Variants in CREB5 observed in about 807,000 individuals in gnomAD.
CREB5 encodes the protein cyclic AMP-responsive element-binding protein 5.
CREB5 carries 19 observed loss-of-function variants against 57.1 expected under a neutral mutation model. That is an observed-to-expected ratio of 0.33 (90% CI 0.23 to 0.49). CREB5 has a LOEUF of 0.49. Ranked by LOEUF, CREB5 falls within the 20% of genes least tolerant of loss-of-function variation. The pLI, the probability that CREB5 is intolerant of heterozygous loss-of-function variation, is 0.99. For missense variants in CREB5, 579 were observed against 671.6 expected (o/e 0.86, Z 1.52); for synonymous variants, 238 against 238.3 (o/e 1.00, Z 0.01).
chr7:28,473,536 G>A (rs954527964), intron 1 of CREB5, among the ~76,000 whole-genome samples: 5 of 152,182 alleles, frequency 3.3e-5, no homozygotes, highest in Non-Finnish European at 5.9e-5. Context: ...CTCATTCAGT[G>A]TTTTCTGCCC....
chr7:28,794,534 A>G (rs1807912598), intron 7 of CREB5, among the ~76,000 whole-genome samples: 1 of 152,222 alleles, frequency 6.6e-6, no homozygotes, highest in Non-Finnish European at 1.5e-5. Flanking sequence ...TTAGTACCTG[A>G]GGTCATGACA....
Position 28,560,911 on chromosome 7 carries a change from T to C in CREB5, c.292-9454T>C, listed in dbSNP as rs371381912. Among the ~76,000 whole-genome samples, 274 of 36,024 alleles carry C rather than the reference T, an allele frequency of 7.6e-3. 27 individuals carry two copies. Among genetic ancestry groups the C allele is most frequent in the African/African-American group, 0.013 (87 of 6,498 alleles). The allele number at this position is 36,024 out of a possible 152,430, so 23.6% of individuals were successfully genotyped here. On this transcript the variant is annotated intron_variant, in intron 4 of 10. Transcript: ENST00000357727. The stretch of plus-strand genomic sequence containing the variant: ...GCGTGTGTGTGCGTGCGCGCGTGCG[T>C]GTGCGTGTGTGCGCGTGCGTGTGTG...
chr7:28,624,995 T>G (rs1797947911), intron 5 of CREB5, among the ~76,000 whole-genome samples: 1 of 138,560 alleles, frequency 7.2e-6, no homozygotes, highest in Admixed American at 7.7e-5. Context: ...TCCACCATGT[T>G]GGATTTTTTT....
chr7:28,310,203 G>A (rs1473038683), intron 1 of CREB5, among the ~76,000 whole-genome samples: 1 of 152,108 alleles, frequency 6.6e-6, no homozygotes, highest in Non-Finnish European at 1.5e-5. Context: ...AGTAGTGGGG[G>A]GTGAGGCTGC....
chr7:28,481,229 G>T, intron 1 of CREB5, among the ~76,000 whole-genome samples: 1 of 152,192 alleles, frequency 6.6e-6, no homozygotes, highest in East Asian at 1.9e-4. Context: ...GGGAACTTCT[G>T]ACAGCCTCTA....
chr7:28,677,972 T>C (rs1800395558), intron 5 of CREB5, among the ~76,000 whole-genome samples: 1 of 152,182 alleles, frequency 6.6e-6, no homozygotes, highest in African/African-American at 2.4e-5. Flanking sequence ...TCACTTTCCT[T>C]CCCATTTCTA....
chr7:28,551,887 C>CTTTCT (rs199909402), intron 4 of CREB5, among the ~76,000 whole-genome samples: 199 of 145,524 alleles, frequency 1.4e-3, no homozygotes, highest in South Asian at 7.1e-3. Context: ...TCTTTCTTTT[C>CTTTCT]TTTCTTTCTT....
At chr7:28,361,515 T>C (rs1183549354) in intron 1 of CREB5, among the ~76,000 whole-genome samples, 1 of 152,196 alleles carries the variant, frequency 6.6e-6, no homozygotes, top group Non-Finnish European at 1.5e-5. Context: ...GACCTGACAT[T>C]GGCCAAATAA....
chr7:28,769,604 A>T (rs968581220), intron 7 of CREB5, among the ~76,000 whole-genome samples: 2 of 152,222 alleles, frequency 1.3e-5, no homozygotes, highest in African/African-American at 4.8e-5. Flanking sequence ...TAGTTGAGTT[A>T]ACTGTACCTT....
At chr7:28,739,641 C>T (rs13239206) in intron 7 of CREB5, among the ~76,000 whole-genome samples, 18,350 of 152,004 alleles carry the variant, frequency 0.12, 1,290 homozygotes, top group Middle Eastern at 0.22. Flanking sequence ...AAAGCATATT[C>T]GAGTTTAGAG....
At position 28,488,161 on chromosome 7, in the gene CREB5, C is replaced by CTCTGATCCTTCAGATT. The variant is rs747650164; in HGVS notation, c.4-12_7dup. The CTCTGATCCTTCAGATT allele has an allele frequency of 4.3e-6, 7 of 1,613,024 alleles. No individual in the cohort carries two copies. The highest frequency in any genetic ancestry group is 5.9e-6 in the Non-Finnish European group (7 of 1,179,246). On this transcript the variant is annotated splice_polypyrimidine_tract_variant and intron_variant, in intron 1 of 10. Coordinates refer to ENST00000357727, the MANE Select transcript of CREB5 (RefSeq NM_182898.4). ...ATTTCTTTTTCCTTCCTCCCTTTCC[C>CTCTGATCCTTCAGATT]TCTGATCCTTCAGATTTATGAGGAA...
At chr7:28,648,668 A>G (rs559856745) in intron 5 of CREB5, among the ~76,000 whole-genome samples, 1 of 152,170 alleles carries the variant, frequency 6.6e-6, no homozygotes, top group South Asian at 2.1e-4. Flanking sequence ...TTTGAACCCA[A>G]GAGATTGAAG....
chr7:28,394,346 T>A (rs1463450624), intron 1 of CREB5, among the ~76,000 whole-genome samples: 1 of 151,998 alleles, frequency 6.6e-6, no homozygotes, highest in Admixed American at 6.6e-5. Context: ...ACATCAATAA[T>A]CACTTTAAAT....
chr7:28,443,387 T>C (rs1331315168), intron 1 of CREB5, among the ~76,000 whole-genome samples: 2 of 152,194 alleles, frequency 1.3e-5, no homozygotes, highest in African/African-American at 4.8e-5. Flanking sequence ...TTTATTACAC[T>C]GGACAGTAAG....
At chr7:28,561,520 A>T (rs1242281539) in intron 4 of CREB5, among the ~76,000 whole-genome samples, 1 of 152,206 alleles carries the variant, frequency 6.6e-6, no homozygotes, top group African/African-American at 2.4e-5. Flanking sequence ...GTATTACCTG[A>T]TTTAATCTTT....
chr7:28,765,842 C>G (rs1805939683), intron 7 of CREB5, among the ~76,000 whole-genome samples: 1 of 152,164 alleles, frequency 6.6e-6, no homozygotes, highest in African/African-American at 2.4e-5. Flanking sequence ...CACCATGCCT[C>G]GAGCCTGCTC....
At chr7:28,475,573 CT>C (rs556787252) in intron 1 of CREB5, among the ~76,000 whole-genome samples, 1 of 150,544 alleles carries the variant, frequency 6.6e-6, no homozygotes. Flanking sequence ...GAAGATTTGG[CT>C]TTTTTTTTAA....
At chr7:28,808,712 CTTTTTTTTTTTTTTTT>C (rs59374546) in intron 8 of CREB5, among the ~76,000 whole-genome samples, 1 of 83,172 alleles carries the variant, frequency 1.2e-5, no homozygotes, top group Non-Finnish European at 2.1e-5. Context: ...CCAATTTTTC[CTTTTTTTTTTTTTTTT>C]TTTTTTTTTT....
intron 5 of CREB5, among the ~76,000 whole-genome samples, chr7:28,692,181 G>A (rs1002316878): frequency 1.6e-4 from 6 of 37,594 alleles, no homozygotes; most frequent in African/African-American, 5.6e-4. Flanking sequence ...GCGAGACTCC[G>A]TCTCCAAAAA....
Sources: gnomAD v4.1 joint callset for allele counts (sites outside exome capture counted in the v4.1 genomes callset) on GRCh38, gnomAD v4.1.1 for gene constraint, MANE v1.5 for transcripts, NCBI Gene and HGNC (gene_info 2026-07-23, HGNC 2026-07-21) for gene names.